Variants in PCSK2 observed in about 807,000 individuals in gnomAD.
The protein encoded by PCSK2 is proprotein convertase subtilisin/kexin type 2, also known as neuroendocrine convertase 2.
Under a neutral mutation model 69.7 loss-of-function variants are expected in PCSK2, and 14 were observed. That is an observed-to-expected ratio of 0.20 (90% CI 0.13 to 0.31). The LOEUF (loss-of-function observed/expected upper bound fraction) is 0.31. PCSK2 is among the 10% of genes least tolerant of loss of function. The pLI is 1.00. For synonymous variants in PCSK2, 307 were observed against 320.7 expected, an observed-to-expected ratio of 0.96 and a Z score of 0.46; for missense variants, 544 against 842.5, an observed-to-expected ratio of 0.65 and a Z score of 4.39.
chr20:17,452,668 G>A (rs909284518), intron 8 of PCSK2, among the ~76,000 whole-genome samples: 17 of 152,344 alleles, frequency 1.1e-4, no homozygotes, highest in East Asian at 9.7e-4. Context: ...TGGAGTGGCT[G>A]GAGGTTGCAC....
chr20:17,331,133 A>G (rs1040509763), intron 2 of PCSK2, among the ~76,000 whole-genome samples: 1 of 152,176 alleles, frequency 6.6e-6, no homozygotes, highest in Non-Finnish European at 1.5e-5. Flanking sequence ...ACATGGATAG[A>G]TCTAAAGGTA....
At chr20:17,252,654 C>T (rs79031010) in intron 1 of PCSK2, among the ~76,000 whole-genome samples, 1,907 of 152,284 alleles carry the variant, frequency 0.013, 32 homozygotes, top group African/African-American at 0.043. Context: ...TGTTCTTAAA[C>T]CACTCCACCA....
At chr20:17,405,720 A>G (rs923091691) in intron 5 of PCSK2, among the ~76,000 whole-genome samples, 1 of 152,208 alleles carries the variant, frequency 6.6e-6, no homozygotes, top group African/African-American at 2.4e-5. Flanking sequence ...TTTCTTCCTA[A>G]TTATGCATTC....
intron 5 of PCSK2, among the ~76,000 whole-genome samples, chr20:17,404,400 T>C (rs192628031): frequency 9.8e-5 from 15 of 152,294 alleles, no homozygotes; most frequent in Admixed American, 6.5e-4. Context: ...CACTCGTAGG[T>C]TGAGAAACAG....
rs1239429389 is a variant in PCSK2 at position 17,429,420 on chromosome 20, T to C, written c.621-15T>C. The C allele has an allele frequency of 1.9e-6, 3 of 1,607,526 alleles. No individual in the cohort carries two copies. The highest frequency in any genetic ancestry group is 3.3e-5 in the Admixed American group (2 of 59,992). Reference sequence around the variant, plus strand: ...TTTCACTGCATATCTAATGTGTCTTTATATTTTTCCAAAGCCACGGGACCC... The same window carrying C: ...TTTCACTGCATATCTAATGTGTCTTCATATTTTTCCAAAGCCACGGGACCC... On this transcript the variant is annotated splice_polypyrimidine_tract_variant and intron_variant, in intron 6 of 11. Transcript: ENST00000262545.
intron 7 of PCSK2, among the ~76,000 whole-genome samples, chr20:17,432,553 C>A (rs1000656967): frequency 2.0e-5 from 3 of 151,998 alleles, no homozygotes; most frequent in African/African-American, 7.2e-5. Context: ...AAAAGGACCC[C>A]ATTCTTTCCT....
intron 5 of PCSK2, among the ~76,000 whole-genome samples, chr20:17,408,187 C>G (rs543778028): frequency 6.6e-6 from 1 of 152,018 alleles, no homozygotes; most frequent in East Asian, 2.0e-4. Flanking sequence ...TACTGTGAAC[C>G]AAGAAGCCAT....
intron 2 of PCSK2, among the ~76,000 whole-genome samples, chr20:17,317,270 T>C (rs780497824): frequency 3.3e-5 from 5 of 152,150 alleles, no homozygotes; most frequent in Non-Finnish European, 5.9e-5. Flanking sequence ...GGGAGAGAAA[T>C]GTGAATTACT....
At chr20:17,477,426 TA>T (rs373506180) in intron 11 of PCSK2, among the ~76,000 whole-genome samples, 4 of 152,156 alleles carry the variant, frequency 2.6e-5, no homozygotes, top group African/African-American at 9.6e-5. Flanking sequence ...GAGGTATGAA[TA>T]TTTTTTTCTT....
chr20:17,342,297 ATAACG>A (rs1455054626), intron 2 of PCSK2, among the ~76,000 whole-genome samples: 6 of 152,196 alleles, frequency 3.9e-5, no homozygotes, highest in Admixed American at 3.9e-4. Context: ...TAAGCAATCT[ATAACG>A]CTCTTGTTTG....
chr20:17,408,642 G>A (rs2031805144), intron 5 of PCSK2, among the ~76,000 whole-genome samples: 1 of 152,342 alleles, frequency 6.6e-6, no homozygotes, highest in African/African-American at 2.4e-5. Flanking sequence ...CATAAGGGCA[G>A]GGATGCCACC....
intron 2 of PCSK2, among the ~76,000 whole-genome samples, chr20:17,294,266 G>A (rs987218601): frequency 4.2e-5 from 6 of 141,578 alleles, no homozygotes; most frequent in South Asian, 2.2e-4. Flanking sequence ...CACCGCGCCC[G>A]GCTAATTTTT....
intron 2 of PCSK2, among the ~76,000 whole-genome samples, chr20:17,291,423 T>C (rs1988690821): frequency 6.6e-6 from 1 of 152,194 alleles, no homozygotes; most frequent in African/African-American, 2.4e-5. Context: ...GATATTCCAT[T>C]GTATGAATTG....
chr20:17,480,414 C>A (rs1466644223), intron 11 of PCSK2, among the ~76,000 whole-genome samples: 1 of 152,110 alleles, frequency 6.6e-6, no homozygotes, highest in Non-Finnish European at 1.5e-5. Flanking sequence ...TGGTCTCGAT[C>A]TCCTGACCTC....
At chr20:17,235,451 C>T (rs1986304135) in intron 1 of PCSK2, among the ~76,000 whole-genome samples, 2 of 152,074 alleles carry the variant, frequency 1.3e-5, no homozygotes, top group Admixed American at 1.3e-4. Context: ...TCATTTCATG[C>T]TCATTTTGTA....
At chr20:17,462,266 T>A (rs888794935) in intron 10 of PCSK2, among the ~76,000 whole-genome samples, 3 of 152,100 alleles carry the variant, frequency 2.0e-5, no homozygotes, top group African/African-American at 7.2e-5. Flanking sequence ...CCTCTGAACC[T>A]GGACATCATT....
intron 2 of PCSK2, among the ~76,000 whole-genome samples, chr20:17,275,274 T>G (rs1434643643): frequency 1.3e-5 from 2 of 151,954 alleles, no homozygotes; most frequent in Admixed American, 1.3e-4. Context: ...GCATCCCTTT[T>G]GGTGCAGTGA....
At chr20:17,241,358 G>A (rs1986565972) in intron 1 of PCSK2, among the ~76,000 whole-genome samples, 1 of 152,180 alleles carries the variant, frequency 6.6e-6, no homozygotes, top group African/African-American at 2.4e-5. Context: ...GTCAGTTCAT[G>A]ACCAGTCACC....
At chr20:17,376,360 T>C (rs1031122193) in intron 5 of PCSK2, among the ~76,000 whole-genome samples, 1 of 152,244 alleles carries the variant, frequency 6.6e-6, no homozygotes, top group Admixed American at 6.5e-5. Context: ...TGCTGTTATA[T>C]GCTGCTGACA....
Sources: allele counts gnomAD v4.1 joint callset (sites outside exome capture counted in the v4.1 genomes callset), GRCh38; gene constraint gnomAD v4.1.1; transcripts MANE v1.5; gene names NCBI Gene and HGNC (gene_info 2026-07-23, HGNC 2026-07-21).